The following RNF125 variants were observed in gnomAD, a reference collection of about 807,000 sequenced individuals.
The protein encoded by RNF125 is E3 ubiquitin-protein ligase RNF125.
In RNF125, 21 loss-of-function variants were observed where a neutral mutation model predicts 26.0. The ratio of observed to expected loss-of-function variants is 0.81; its 90% CI spans 0.57 to 1.16. RNF125 has a LOEUF of 1.16. RNF125 is among the 50% of genes most tolerant of loss of function. The pLI is 0.00. For missense variants in RNF125, 270 were observed against 299.4 expected, an observed-to-expected ratio of 0.90 and a Z score of 0.72; for synonymous variants, 95 against 109.2, an observed-to-expected ratio of 0.87 and a Z score of 0.81.
intron 3 of RNF125, among the ~76,000 whole-genome samples, chr18:32,044,448 A>G (rs2039248927): frequency 6.6e-6 from 1 of 152,244 alleles, no homozygotes; most frequent in Non-Finnish European, 1.5e-5. Context: ...ACGTGTAATC[A>G]GTATAAAAAT....
At chr18:32,062,289 C>T (rs1016786121) in intron 4 of RNF125, among the ~76,000 whole-genome samples, 13 of 152,126 alleles carry the variant, frequency 8.5e-5, no homozygotes, top group African/African-American at 3.1e-4. Flanking sequence ...GTTGGATGAA[C>T]AAATTTCTAT....
chr18:32,031,271 G>A (rs2039090731), intron 1 of RNF125: 2 of 151,790 alleles, frequency 1.3e-5, no homozygotes, highest in Admixed American at 6.6e-5. Flanking sequence ...TTAAGGATCA[G>A]AGCACTACTG....
rs1424422032 is a variant in RNF125 at position 32,028,160 on chromosome 18, TG to T, written c.165-8954del. ...AAAAATACAAAAAATTAGCCGGGCA[TG>T]GTGGCGGGTGCCTGTAGTCCCAGCT... On this transcript the variant is annotated intron_variant, in intron 1 of 5. Coordinates refer to ENST00000217740, the MANE Select transcript of RNF125 (RefSeq NM_017831.4). Among the ~76,000 whole-genome samples the T allele has an allele frequency of 2.8e-4, 43 of 151,614 alleles. No homozygotes were observed. In the East Asian group the frequency reaches 8.3e-3, roughly 29 times the overall value.
At chr18:32,051,694 CTTTTTT>C (rs71177837) in intron 4 of RNF125, among the ~76,000 whole-genome samples, 1 of 118,032 alleles carries the variant, frequency 8.5e-6, no homozygotes, top group African/African-American at 3.4e-5. Flanking sequence ...TATTTTCTTT[CTTTTTT>C]TTTTTTTTTG....
chr18:32,078,951 C>T, the RNF125 span, among the ~76,000 whole-genome samples: 1 of 152,204 alleles, frequency 6.6e-6, no homozygotes, highest in East Asian at 1.9e-4. Flanking sequence ...GAGTCAGTCA[C>T]ACCATCTTTT....
intron 4 of RNF125, among the ~76,000 whole-genome samples, chr18:32,047,066 C>T (rs1010152804): frequency 6.6e-5 from 10 of 152,008 alleles, no homozygotes; most frequent in Admixed American, 4.6e-4. Context: ...TGTTTTTAGA[C>T]GTGCTGTGTC....
intron 1 of RNF125, among the ~76,000 whole-genome samples, chr18:32,034,471 T>C (rs2039132094): frequency 6.6e-6 from 1 of 152,216 alleles, no homozygotes; most frequent in African/African-American, 2.4e-5. Flanking sequence ...CAGAAGCAAC[T>C]TACCCTGTAT....
chr18:32,080,113 C>G, the RNF125 span, among the ~76,000 whole-genome samples: 3 of 152,210 alleles, frequency 2.0e-5, no homozygotes, highest in Non-Finnish European at 4.4e-5. Flanking sequence ...ACTACAACCT[C>G]CGCCTCCTGG....
intron 4 of RNF125, among the ~76,000 whole-genome samples, chr18:32,061,414 C>T (rs923972673): frequency 6.6e-5 from 10 of 152,284 alleles, no homozygotes; most frequent in Non-Finnish European, 7.3e-5. Context: ...ATCTCTGTAC[C>T]TCTGACTCCT....
At chr18:32,044,529 C>G (rs112200201) in intron 3 of RNF125, among the ~76,000 whole-genome samples, 1 of 151,868 alleles carries the variant, frequency 6.6e-6, no homozygotes, top group Non-Finnish European at 1.5e-5. Context: ...TCTTATACAT[C>G]CAGCAAATCT....
intron 4 of RNF125, among the ~76,000 whole-genome samples, chr18:32,058,587 C>T (rs1438570108): frequency 6.6e-6 from 1 of 152,142 alleles, no homozygotes; most frequent in Non-Finnish European, 1.5e-5. Flanking sequence ...CTCAGGTGAT[C>T]CACCCACCTT....
At chr18:32,080,015 AC>A in the RNF125 span, among the ~76,000 whole-genome samples, 58 of 152,050 alleles carry the variant, frequency 3.8e-4, no homozygotes, top group Non-Finnish European at 4.4e-4. Flanking sequence ...TCTTATATCC[AC>A]TATGTTTTTG....
At chr18:32,078,331 A>G in the RNF125 span, among the ~76,000 whole-genome samples, 3 of 152,208 alleles carry the variant, frequency 2.0e-5, no homozygotes, top group Non-Finnish European at 2.9e-5. Context: ...TTGCAACACC[A>G]TTCATAATGA....
intron 1 of RNF125, chr18:32,030,985 T>C (rs2039087826): frequency 6.6e-6 from 1 of 152,222 alleles, no homozygotes; most frequent in Non-Finnish European, 1.5e-5. Flanking sequence ...AAGCCACTTC[T>C]GCAAGAACTA....
At chr18:32,047,583 T>C (rs770348527) in intron 4 of RNF125, among the ~76,000 whole-genome samples, 66 of 152,304 alleles carry the variant, frequency 4.3e-4, no homozygotes, top group Admixed American at 1.2e-3. Context: ...ATTGGGAACA[T>C]TTATTTTTAA....
chr18:32,031,939 G>A (rs985151803), intron 1 of RNF125, among the ~76,000 whole-genome samples: 1 of 151,806 alleles, frequency 6.6e-6, no homozygotes, highest in African/African-American at 2.4e-5. Flanking sequence ...TCTTGCTGTT[G>A]CCCAGGCTGG....
Position 32,018,925 on chromosome 18 carries a change from C to T in RNF125, c.62C>T (p.Ala21Val). ...KSAPASATARALERRRDPELP... is the reference protein window; with the variant it reads ...KSAPASATARVLERRRDPELP... Reference sequence around the variant, plus strand: ...GCGCCCGCCTCTGCCACCGCGCGGGCCCTGGAGCGCAGGAGGGACCCGGAG... The same window carrying T: ...GCGCCCGCCTCTGCCACCGCGCGGGTCCTGGAGCGCAGGAGGGACCCGGAG... Residue 21 changes from alanine (A) to valine (V), a missense_variant, in exon 1 of 6, where the codon GCC becomes GTC. By Grantham distance (64) the Ala-to-Val change is moderately conservative (BLOSUM62 0). Transcript: ENST00000217740. 1 of 1,611,664 alleles carries T rather than the reference C, an allele frequency of 6.2e-7. No homozygotes were observed. Among genetic ancestry groups the T allele is most frequent in the Non-Finnish European group, 8.5e-7 (1 of 1,179,060 alleles).
Position 32,037,182 on chromosome 18 carries a change from A to G in RNF125, c.231A>G (p.Ala77=), listed in dbSNP as rs1415542757. Reference sequence around the variant, plus strand: ...AGTGGACCTGTCCTTATTGCCGGGCATATCTTCCTTCAGAAGGAGTTCCAG... The same window carrying G: ...AGTGGACCTGTCCTTATTGCCGGGCGTATCTTCCTTCAGAAGGAGTTCCAG... The part of the protein sequence containing the change: ...NNKWTCPYCR[A]YLPSEGVPAT... The change falls in exon 2 of 6, where the codon GCA becomes GCG. Residue 77 remains alanine (A), a synonymous_variant. Transcript: ENST00000217740. 1.2e-6 allele frequency: 2 copies of G among 1,606,362 alleles called. No homozygotes were observed. Among genetic ancestry groups the G allele is most frequent in the Non-Finnish European group, 1.7e-6 (2 of 1,177,388 alleles).
At chr18:32,042,845 T>G (rs1035466900) in intron 3 of RNF125, among the ~76,000 whole-genome samples, 15 of 150,756 alleles carry the variant, frequency 9.9e-5, no homozygotes, top group African/African-American at 3.7e-4. Context: ...TTTTATTCTT[T>G]AAAAAAAGAG....
Sources: allele counts gnomAD v4.1 joint callset (sites outside exome capture counted in the v4.1 genomes callset), GRCh38; gene constraint gnomAD v4.1.1; transcripts MANE v1.5; gene names NCBI Gene and HGNC (gene_info 2026-07-23, HGNC 2026-07-21).